The following CLDN14 variants were observed in gnomAD, a reference collection of about 807,000 sequenced individuals.
The protein encoded by CLDN14 is claudin 14.
In CLDN14, 2 loss-of-function variants were observed where a neutral mutation model predicts 2.1. The observed-to-expected ratio is 0.96, with a 90% CI of 0.39 to 3.01. The LOEUF (loss-of-function observed/expected upper bound fraction) is 3.01. Ranked by LOEUF, CLDN14 falls within the 30% of genes most tolerant of loss-of-function variation. The probability of loss-of-function intolerance (pLI) is 0.09; values close to 1 mark genes in which losing one functional copy is unlikely to be tolerated. For synonymous variants in CLDN14, 136 were observed against 154.4 expected (o/e 0.88, Z 0.88); for missense variants, 298 against 328.0 (o/e 0.91, Z 0.71).
intron 1 of CLDN14, among the ~76,000 whole-genome samples, chr21:36,475,043 C>A (rs219754): frequency 0.44 from 66,805 of 152,014 alleles, 17,077 homozygotes; most frequent in African/African-American, 0.72. Context: ...GGAGAATGAC[C>A]GCAGGCCTGG....
At position 36,539,369 on chromosome 21, in the gene CLDN14, G is replaced by A. The variant is rs796283516; in HGVS notation, c.-219-28869C>T. Among the ~76,000 whole-genome samples the A allele has an allele frequency of 1.2e-3, 172 of 139,370 alleles. 3 individuals are homozygous for A. The highest frequency in any genetic ancestry group is 4.5e-3 in the African/African-American group (163 of 36,554). 91.4% of individuals were successfully genotyped at this position (139,370 alleles called of 152,430 possible). Reference sequence around the variant, plus strand: ...GTGTGTGTGGAGTGAGTGTATGTGCGGAGTGAGTGTGTGTGGAGTGAGTGT... The same window carrying A: ...GTGTGTGTGGAGTGAGTGTATGTGCAGAGTGAGTGTGTGTGGAGTGAGTGT... On this transcript the variant is annotated intron_variant, in intron 1 of 2. Coordinates refer to the CLDN14 transcript ENST00000342108.
chr21:36,567,264 T>C (rs1462852830), intron 1 of CLDN14, among the ~76,000 whole-genome samples: 1 of 152,238 alleles, frequency 6.6e-6, no homozygotes, highest in East Asian at 1.9e-4. Context: ...CAGTTTCTTT[T>C]TCCTGTATTT....
intron 1 of CLDN14, among the ~76,000 whole-genome samples, chr21:36,575,536 C>T (rs1315997266): frequency 6.6e-6 from 1 of 152,106 alleles, no homozygotes; most frequent in Non-Finnish European, 1.5e-5. Context: ...TGTCATGCAA[C>T]CTCACTAATG....
At chr21:36,480,794 C>A (rs182398814), upstream of CLDN14, 3 of 152,240 alleles carry the variant, frequency 2.0e-5, 1 homozygote, top group Admixed American at 2.0e-4. Flanking sequence ...CTTACTTGGG[C>A]TTCTGCGTGT....
upstream of CLDN14, among the ~76,000 whole-genome samples, chr21:36,481,842 C>T (rs563206409): frequency 1.7e-4 from 26 of 152,244 alleles, no homozygotes; most frequent in Non-Finnish European, 3.4e-4. Flanking sequence ...ATTTGTTCTT[C>T]GTTCATCAAA....
At chr21:36,472,982 G>A (rs2086729576) in intron 1 of CLDN14, among the ~76,000 whole-genome samples, 1 of 152,196 alleles carries the variant, frequency 6.6e-6, no homozygotes, top group African/African-American at 2.4e-5. Flanking sequence ...CTTCACCTGA[G>A]CAAGAAACTC....
chr21:36,501,460 C>A (rs2087091860), intron 2 of CLDN14, among the ~76,000 whole-genome samples: 1 of 146,724 alleles, frequency 6.8e-6, no homozygotes, highest in African/African-American at 2.5e-5. Context: ...GTCATCTGAC[C>A]CAGGGCGGGT....
intron 1 of CLDN14, among the ~76,000 whole-genome samples, chr21:36,535,955 C>G (rs1228395619): frequency 6.6e-6 from 1 of 152,246 alleles, no homozygotes; most frequent in African/African-American, 2.4e-5. Flanking sequence ...GGTGCTCCCC[C>G]ACCCTCGGAA....
chr21:36,553,805 G>T (rs1335088821), intron 1 of CLDN14, among the ~76,000 whole-genome samples: 1 of 152,156 alleles, frequency 6.6e-6, no homozygotes, highest in Non-Finnish European at 1.5e-5. Flanking sequence ...TGTGAGATGA[G>T]GGATGAGGCA....
chr21:36,526,917 G>C (rs893746069), intron 1 of CLDN14, among the ~76,000 whole-genome samples: 4 of 152,188 alleles, frequency 2.6e-5, no homozygotes, highest in African/African-American at 9.7e-5. Flanking sequence ...TCCCGAGACG[G>C]GGATGTTGAA....
rs1020646262 is a variant in CLDN14 at position 36,480,044 on chromosome 21, C to T, written c.-631G>A. The T allele has an allele frequency of 6.6e-6, 1 of 152,586 alleles. No individual in the cohort carries two copies. Among genetic ancestry groups the T allele is most frequent in the South Asian group, 2.1e-4 (1 of 4,836 alleles). 9.5% of individuals were successfully genotyped at this position (152,586 alleles called of 1,614,324 possible). A position where few individuals can be genotyped will look rare whatever the true frequency, so the allele number is the denominator to read the frequency against. The stretch of plus-strand genomic sequence containing the variant: ...CAGCTCATTCCCTCCTGCGCCCTGA[C>T]CACCTGCCCACAGCGACTGTGTCCT... On this transcript the variant is annotated 5_prime_UTR_variant, in exon 1 of 2. Coordinates refer to ENST00000399135, the MANE Select transcript of CLDN14 (RefSeq NM_001146079.2).
At chr21:36,573,687 A>G (rs1011101967) in intron 1 of CLDN14, among the ~76,000 whole-genome samples, 2 of 152,184 alleles carry the variant, frequency 1.3e-5, no homozygotes, top group African/African-American at 4.8e-5. Context: ...AATCTACAAA[A>G]CTATCACTAG....
At chr21:36,543,627 C>T (rs971454681) in intron 1 of CLDN14, among the ~76,000 whole-genome samples, 2 of 152,220 alleles carry the variant, frequency 1.3e-5, no homozygotes, top group African/African-American at 4.8e-5. Context: ...TACCTAATGA[C>T]ATGGATCTCT....
chr21:36,568,398 A>G (rs2087687369), intron 1 of CLDN14, among the ~76,000 whole-genome samples: 1 of 152,228 alleles, frequency 6.6e-6, no homozygotes, highest in South Asian at 2.1e-4. Context: ...AGGAGGCACG[A>G]AGTCCCAGCT....
intron 1 of CLDN14, among the ~76,000 whole-genome samples, chr21:36,479,254 C>T (rs146534747): frequency 1.4e-3 from 210 of 152,262 alleles, no homozygotes; most frequent in Middle Eastern, 0.01. Context: ...GGATTATTGT[C>T]GTTCCTGGCT....
intron 1 of CLDN14, among the ~76,000 whole-genome samples, chr21:36,563,086 T>TTAAAAA (rs59305613): frequency 0.74 from 112,812 of 151,462 alleles, 43,584 homozygotes; most frequent in Non-Finnish European, 0.87. Flanking sequence ...AATCACTAAC[T>TTAAAAA]TAAAAGTAAA....
chr21:36,568,446 C>A (rs1344616932), intron 1 of CLDN14, among the ~76,000 whole-genome samples: 3 of 152,240 alleles, frequency 2.0e-5, no homozygotes, highest in Non-Finnish European at 4.4e-5. Context: ...CTTCTATGGG[C>A]AGTCTTTGCT....
intron 1 of CLDN14, among the ~76,000 whole-genome samples, chr21:36,549,966 A>G (rs1480494907): frequency 6.6e-6 from 1 of 152,220 alleles, no homozygotes; most frequent in African/African-American, 2.4e-5. Context: ...TTGCAGCTGG[A>G]ATGAGGATAG....
chr21:36,462,696 G>A (rs1292620326), intron 1 of CLDN14, among the ~76,000 whole-genome samples: 1 of 151,944 alleles, frequency 6.6e-6, no homozygotes, highest in Non-Finnish European at 1.5e-5. Context: ...TTGGGAGGCC[G>A]AGGCAGGTGG....
Sources: gnomAD v4.1 joint callset for allele counts (sites outside exome capture counted in the v4.1 genomes callset) on GRCh38, gnomAD v4.1.1 for gene constraint, MANE v1.5 for transcripts, NCBI Gene and HGNC (gene_info 2026-07-23, HGNC 2026-07-21) for gene names.